LMNA: variants seen among roughly 807,000 people sequenced by gnomAD.
The protein encoded by LMNA is lamin.
In LMNA, 20 loss-of-function variants were observed where a neutral mutation model predicts 70.4. The observed-to-expected ratio is 0.28, with a 90% CI of 0.20 to 0.41. LMNA has a LOEUF of 0.41. Ranked by LOEUF, LMNA falls within the 10% of genes least tolerant of loss-of-function variation. LMNA has a pLI of 1.00. For synonymous variants in LMNA, 339 were observed against 372.8 expected (o/e 0.91, Z 1.04); for missense variants, 652 against 917.2 (o/e 0.71, Z 3.73).
At position 156,134,538 on chromosome 1, in the gene LMNA, G is replaced by C. The variant is rs1266133241; in HGVS notation, c.639+10G>C. 1 of 1,613,802 alleles carries C rather than the reference G, an allele frequency of 6.2e-7. No individual in the cohort carries two copies. The highest frequency in any genetic ancestry group is 1.7e-5 in the Admixed American group (1 of 60,026). On this transcript the variant is annotated intron_variant, in intron 3 of 11. Coordinates refer to ENST00000368300, the MANE Select transcript of LMNA (RefSeq NM_170707.4). The surrounding 1 kb of genome is among the most constrained non-coding windows in gnomAD (Gnocchi z 5.3). ...GAACATCTACAGTGAGGTGGGGACTGTGCTTTGCAAGCCAGAGGGCTGGGG... is the reference window on the plus strand; with the variant it reads ...GAACATCTACAGTGAGGTGGGGACTCTGCTTTGCAAGCCAGAGGGCTGGGG...
chr1:156,090,553 G>GCTTTC (rs1235312561), exon 3 of LMNA: 1 of 152,180 alleles, frequency 6.6e-6, no homozygotes, highest in African/African-American at 2.4e-5. Context: ...GTTCAGAGAG[G>GCTTTC]CTAAGTAACT....
Position 156,138,987 on chromosome 1 carries a change from G to A in LMNA, c.1969-93G>A. On this transcript the variant is annotated intron_variant, in intron 11 of 11. Transcript: ENST00000368300. The surrounding 1 kb of genome is among the most constrained non-coding windows in gnomAD (Gnocchi z 5.5). ...GGCAGGGCTGGAGTGTGAGGGATGGGGGAGATGCTACCTCCCTTCTAGGGG... is the reference window on the plus strand; with the variant it reads ...GGCAGGGCTGGAGTGTGAGGGATGGAGGAGATGCTACCTCCCTTCTAGGGG... 7.0e-7 allele frequency: 1 copy of A among 1,431,618 alleles called. No individual in the cohort carries two copies. The highest frequency in any genetic ancestry group is 9.8e-7 in the Non-Finnish European group (1 of 1,015,268). 88.7% of individuals were successfully genotyped at this position (1,431,618 alleles called of 1,614,324 possible).
intron 1 of LMNA, among the ~76,000 whole-genome samples, chr1:156,119,702 G>A (rs1169094642): frequency 1.3e-5 from 2 of 152,204 alleles, no homozygotes; most frequent in Non-Finnish European, 1.5e-5. Context: ...CCCAGGCAAG[G>A]CAGCTGGGTG....
At chr1:156,091,664 T>G (rs1487540400) in intron 3 of LMNA, among the ~76,000 whole-genome samples, 4 of 152,106 alleles carry the variant, frequency 2.6e-5, no homozygotes. Flanking sequence ...ATACATGCTG[T>G]GTCAGGAACT....
At chr1:156,131,026 C>G (rs1285703600) in intron 2 of LMNA, among the ~76,000 whole-genome samples, 1 of 152,006 alleles carries the variant, frequency 6.6e-6, no homozygotes, top group Admixed American at 6.6e-5. Context: ...AATCCCAGCA[C>G]TTTAGGAGGC....
chr1:156,138,983 A>G lies in LMNA; in HGVS notation c.1969-97A>G. The G allele has an allele frequency of 7.1e-7, 1 of 1,406,582 alleles. No individual in the cohort carries two copies. The highest frequency in any genetic ancestry group is 1.0e-6 in the Non-Finnish European group (1 of 992,914). 87.1% of individuals were successfully genotyped at this position (1,406,582 alleles called of 1,614,324 possible). On this transcript the variant is annotated intron_variant, in intron 11 of 11. Transcript: ENST00000368300. The surrounding 1 kb of genome is among the most constrained non-coding windows in gnomAD (Gnocchi z 5.5). ...CAGGGGCAGGGCTGGAGTGTGAGGGATGGGGGAGATGCTACCTCCCTTCTA... is the reference window on the plus strand; with the variant it reads ...CAGGGGCAGGGCTGGAGTGTGAGGGGTGGGGGAGATGCTACCTCCCTTCTA...
At position 156,138,624 on chromosome 1, in the gene LMNA, C is replaced by T. The variant is rs1651868666; in HGVS notation, c.1835C>T (p.Ser612Phe). 1 of 1,613,330 alleles carries T rather than the reference C, an allele frequency of 6.2e-7. No individual in the cohort carries two copies. Among genetic ancestry groups the T allele is most frequent in the Non-Finnish European group, 8.5e-7 (1 of 1,179,914 alleles). ...GSGAQVGGPI[S>F]SGSSASSVTV... ...GGAGCCCAGGTGGGCGGACCCATCT[C>T]CTCTGGCTCTTCTGCCTCCAGTGTC... Residue 612 changes from serine (S) to phenylalanine (F), a missense_variant, in exon 11 of 12, where the codon TCC becomes TTC. Ser to Phe is a radical substitution (Grantham distance 155). Transcript: ENST00000368300. This position sits in a 1 kb window ranked among gnomAD's most constrained non-coding sequence, Gnocchi z 5.5.
intron 1 of LMNA, among the ~76,000 whole-genome samples, chr1:156,127,513 T>TG (rs1572348443): frequency 3.8e-5 from 4 of 104,558 alleles, no homozygotes; most frequent in South Asian, 6.6e-4. Context: ...CTTACTGTTT[T>TG]TTTTTTTTTT....
At chr1:156,089,485 G>A (rs11264435) in intron 2 of LMNA, among the ~76,000 whole-genome samples, 25,298 of 151,296 alleles carry the variant, frequency 0.17, 2,484 homozygotes, top group Non-Finnish European at 0.23. Flanking sequence ...TAGTAGAGAC[G>A]GGGTTTTACC....
intron 3 of LMNA, among the ~76,000 whole-genome samples, chr1:156,104,711 A>G (rs1182749269): frequency 6.6e-6 from 1 of 152,172 alleles, no homozygotes; most frequent in Non-Finnish European, 1.5e-5. Context: ...GGCAACGGCT[A>G]GTGCGTCGTC....
chr1:156,139,588 G>A lies in LMNA; in HGVS notation c.*482G>A. ...TCACTGCCAGGCCAGCCTCCGAGAGGGAGAGAGAGAGAGAGAGGACAGCTT... is the reference window on the plus strand; with the variant it reads ...TCACTGCCAGGCCAGCCTCCGAGAGAGAGAGAGAGAGAGAGAGGACAGCTT... On this transcript the variant is annotated 3_prime_UTR_variant, in exon 12 of 12. Transcript: ENST00000368300. The A allele has an allele frequency of 2.2e-6, 3 of 1,348,434 alleles. No individual in the cohort carries two copies. The highest frequency in any genetic ancestry group is 3.2e-5 in the Admixed American group (1 of 30,884). The allele number at this position is 1,348,434 out of a possible 1,614,324, so 83.5% of individuals were successfully genotyped here. A position where few individuals can be genotyped will look rare whatever the true frequency, so the allele number is the denominator to read the frequency against.
At chr1:156,119,104 C>G (rs1426459221) in intron 1 of LMNA, among the ~76,000 whole-genome samples, 2 of 152,064 alleles carry the variant, frequency 1.3e-5, no homozygotes, top group Non-Finnish European at 2.9e-5. Context: ...TGCCACCATG[C>G]CCAGCTAATT....
At chr1:156,086,572 T>C (rs1268366995) in intron 2 of LMNA, among the ~76,000 whole-genome samples, 1 of 151,910 alleles carries the variant, frequency 6.6e-6, no homozygotes, top group Admixed American at 6.6e-5. Context: ...CTTGTGGAGG[T>C]TGGGGGAGGA....
intron 2 of LMNA, among the ~76,000 whole-genome samples, chr1:156,088,060 CAG>C (rs1212369978): frequency 6.6e-6 from 1 of 151,880 alleles, no homozygotes; most frequent in African/African-American, 2.4e-5. Context: ...TTAGTAGAGA[CAG>C]GGTTTCAACA....
intron 1 of LMNA, among the ~76,000 whole-genome samples, chr1:156,116,244 A>C (rs936217308): frequency 6.6e-6 from 1 of 151,936 alleles, no homozygotes; most frequent in Non-Finnish European, 1.5e-5. Flanking sequence ...TGACGTTTTG[A>C]TCTTTGTCTT....
Position 156,103,612 on chromosome 1 carries a change from G to A in LMNA, c.-206-11101G>A, listed in dbSNP as rs572763592. Among the ~76,000 whole-genome samples the A allele has an allele frequency of 6.6e-6, 1 of 152,246 alleles. No individual in the cohort carries two copies. The highest frequency in any genetic ancestry group is 1.9e-4 in the East Asian group (1 of 5,180). ...TTGCAAGCCCTCATTCGGGCGGGGA[G>A]AAGGAAGGGGTCCTGGACTAGCTCT... On this transcript the variant is annotated intron_variant, in intron 3 of 12. Transcript: ENST00000368301. This position sits in a 1 kb window ranked among gnomAD's most constrained non-coding sequence, Gnocchi z 4.7.
intron 3 of LMNA, among the ~76,000 whole-genome samples, chr1:156,095,440 G>A (rs1415034759): frequency 1.3e-5 from 2 of 151,800 alleles, no homozygotes; most frequent in Admixed American, 6.6e-5. Flanking sequence ...CTCTTCTCAA[G>A]TGATTCTCCT....
At chr1:156,112,265 A>G (rs1558114391), upstream of LMNA, among the ~76,000 whole-genome samples, 1 of 152,164 alleles carries the variant, frequency 6.6e-6, no homozygotes, top group African/African-American at 2.4e-5. Flanking sequence ...GATAGCCTAT[A>G]GTCTCAGCTA....
intron 3 of LMNA, among the ~76,000 whole-genome samples, chr1:156,097,555 C>T (rs976167576): frequency 5.3e-5 from 8 of 152,378 alleles, no homozygotes; most frequent in African/African-American, 1.9e-4. Flanking sequence ...TCAGCCTGGC[C>T]CACGGTGCCA....
Sources: allele counts gnomAD v4.1 joint callset (sites outside exome capture counted in the v4.1 genomes callset), GRCh38; gene constraint gnomAD v4.1.1; non-coding constraint Gnocchi (gnomAD v3.1); transcripts MANE v1.5; gene names NCBI Gene and HGNC (gene_info 2026-07-23, HGNC 2026-07-21).